Variants in TJP1 observed in about 807,000 individuals in gnomAD.
TJP1 encodes tight junction protein 1, also known as tight junction protein ZO-1.
TJP1 carries 43 observed loss-of-function variants against 194.2 expected under a neutral mutation model. The observed-to-expected ratio is 0.22, with a 90% CI of 0.17 to 0.29. The LOEUF is 0.29. Ranked by LOEUF, TJP1 falls within the 10% of genes least tolerant of loss-of-function variation. The pLI is 1.00. For missense variants in TJP1, 1,971 were observed against 2,185.7 expected, an observed-to-expected ratio of 0.90 and a Z score of 1.96; for synonymous variants, 801 against 779.0, an observed-to-expected ratio of 1.03 and a Z score of -0.47.
chr15:29,769,013 T>C (rs1383853986), intron 4 of TJP1, among the ~76,000 whole-genome samples: 1 of 152,100 alleles, frequency 6.6e-6, no homozygotes, highest in South Asian at 2.1e-4. Flanking sequence ...CTGACAGACA[T>C]GACAAAATAA....
chr15:29,720,424 T>C lies in TJP1; in HGVS notation c.2697A>G (p.Ser899=), dbSNP rs2042858745. The change falls in exon 19 of 28, where the codon TCA becomes TCG. Residue 899 remains serine (S), a synonymous_variant. Coordinates refer to ENST00000614355, the MANE Select transcript of TJP1 (RefSeq NM_001330239.4). The stretch of plus-strand genomic sequence containing the variant: ...GAATTGGTTGTGGCTGCGCTTGTGG[T>C]GAGTAAGGAGGATATGTTTGGTTTT... The part of the protein sequence containing the change: ...HHENQTYPPY[S]PQAQPQPIHR... 1 of 1,613,514 alleles carries C rather than the reference T, an allele frequency of 6.2e-7. No homozygotes were observed. Among genetic ancestry groups the C allele is most frequent in the Non-Finnish European group, 8.5e-7 (1 of 1,179,770 alleles).
At chr15:29,729,752 G>A (rs1297147797) in intron 15 of TJP1, among the ~76,000 whole-genome samples, 1 of 150,738 alleles carries the variant, frequency 6.6e-6, no homozygotes, top group African/African-American at 2.4e-5. Flanking sequence ...CCCAGGAGGT[G>A]AAACTTGGAG....
intron 4 of TJP1, among the ~76,000 whole-genome samples, chr15:29,767,407 T>G (rs1049616502): frequency 6.6e-6 from 1 of 152,206 alleles, no homozygotes; most frequent in Non-Finnish European, 1.5e-5. Context: ...CTATCTTATT[T>G]CCAATTCCTT....
chr15:29,789,484 C>A (rs935035098), intron 2 of TJP1, among the ~76,000 whole-genome samples: 4 of 152,094 alleles, frequency 2.6e-5, no homozygotes, highest in Non-Finnish European at 5.9e-5. Flanking sequence ...AAGAGTACAA[C>A]AGTGCTTGGC....
intron 2 of TJP1, among the ~76,000 whole-genome samples, chr15:29,863,372 G>C (rs1162570317): frequency 6.6e-6 from 1 of 152,116 alleles, no homozygotes; most frequent in Non-Finnish European, 1.5e-5. Flanking sequence ...CTGGAGGAAG[G>C]GTTTAGGTGA....
intron 10 of TJP1, among the ~76,000 whole-genome samples, chr15:29,740,011 G>T (rs886753683): frequency 1.3e-5 from 2 of 150,302 alleles, no homozygotes; most frequent in African/African-American, 4.9e-5. Flanking sequence ...TTTTTGAGAC[G>T]GAGTCTCGCT....
intron 2 of TJP1, among the ~76,000 whole-genome samples, chr15:29,780,476 C>G (rs1457052034): frequency 2.0e-5 from 3 of 152,100 alleles, no homozygotes; most frequent in African/African-American, 7.2e-5. Flanking sequence ...GCTGCACATA[C>G]AGGTGAAGCT....
intron 8 of TJP1, among the ~76,000 whole-genome samples, chr15:29,757,874 T>A (rs76840842): frequency 0.013 from 1,912 of 152,226 alleles, 44 homozygotes; most frequent in African/African-American, 0.045. Flanking sequence ...TACACTCGAA[T>A]TTTCTTCCAC....
chr15:29,732,952 G>T lies in TJP1; in HGVS notation c.1737-137C>A. 5 of 1,253,398 alleles carry T rather than the reference G, an allele frequency of 4.0e-6. No individual in the cohort carries two copies. In the Middle Eastern group the frequency reaches 6.3e-4, roughly 159 times the overall value. The allele number at this position is 1,253,398 out of a possible 1,614,324, so 77.6% of individuals were successfully genotyped here. On this transcript the variant is annotated intron_variant, in intron 13 of 27. Transcript: ENST00000614355. ...ATCTTAATGGTTATAATAAAGAGGA[G>T]TTTGTAAACCTAAGTCAGTTATAGA...
intron 2 of TJP1, among the ~76,000 whole-genome samples, chr15:29,871,126 C>G (rs1262931647): frequency 6.6e-6 from 1 of 152,200 alleles, no homozygotes; most frequent in African/African-American, 2.4e-5. Flanking sequence ...AAAGACGGCA[C>G]TGAACACTCA....
chr15:29,820,145 C>T (rs1473993004), intron 1 of TJP1, among the ~76,000 whole-genome samples: 3 of 147,566 alleles, frequency 2.0e-5, no homozygotes. Context: ...AGCGAGCTTC[C>T]AAATTAATGT....
chr15:29,766,539 T>C lies in TJP1; in HGVS notation c.316A>G (p.Ile106Val), dbSNP rs2046342802. The part of the protein sequence containing the change: ...RKSGKNAKIT[I>V]RRKKKVQIPV... ...ATTTGAACTTTCTTCTTCCTTCTAATTGTCTGCAAGTTAAAAAGGTTAAAA... is the reference window on the plus strand; with the variant it reads ...ATTTGAACTTTCTTCTTCCTTCTAACTGTCTGCAAGTTAAAAAGGTTAAAA... Residue 106 changes from isoleucine (I) to valine (V), a missense_variant, in exon 5 of 28, where the codon ATT becomes GTT. Ile to Val is a conservative substitution (Grantham distance 29). This residue lies in a region of TJP1 where 245 missense variants were observed against 336.6 expected (regional missense o/e 0.73). Coordinates refer to ENST00000614355, the MANE Select transcript of TJP1 (RefSeq NM_001330239.4). The C allele has an allele frequency of 6.5e-7, 1 of 1,545,424 alleles. No homozygotes were observed. The highest frequency in any genetic ancestry group is 8.7e-7 in the Non-Finnish European group (1 of 1,148,656).
chr15:29,760,326 CAGGT>C (rs2151516948), intron 8 of TJP1: 1 of 698,108 alleles, frequency 1.4e-6, no homozygotes, highest in African/African-American at 1.7e-5. Flanking sequence ...AAGATAAACT[CAGGT>C]AGGTCATATA....
chr15:29,964,320 A>G (rs755736080), intron 1 of TJP1, among the ~76,000 whole-genome samples: 6 of 152,210 alleles, frequency 3.9e-5, no homozygotes, highest in Non-Finnish European at 8.8e-5. Context: ...CTGTCTGCAT[A>G]TGTATACATC....
At chr15:29,786,398 A>G (rs1333270088) in intron 2 of TJP1, among the ~76,000 whole-genome samples, 1 of 152,158 alleles carries the variant, frequency 6.6e-6, no homozygotes, top group African/African-American at 2.4e-5. Flanking sequence ...CTATTGCCAA[A>G]TTACCTACCC....
At position 29,814,941 on chromosome 15, in the gene TJP1, T is replaced by C. The variant is rs189128269; in HGVS notation, c.27+7061A>G. Among the ~76,000 whole-genome samples, 4 of 152,306 alleles carry C rather than the reference T, an allele frequency of 2.6e-5. No individual in the cohort carries two copies. In the East Asian group the frequency reaches 7.7e-4, roughly 29 times the overall value. ...TATATGACAGGGTTTTGTTATCACATTTCAAATGGTGTTTTACAGTACAAA... is the reference window on the plus strand; with the variant it reads ...TATATGACAGGGTTTTGTTATCACACTTCAAATGGTGTTTTACAGTACAAA... On this transcript the variant is annotated intron_variant, in intron 1 of 27. Transcript: ENST00000614355.
At chr15:29,883,279 C>CT (rs1491575653) in intron 2 of TJP1, among the ~76,000 whole-genome samples, 1 of 106,396 alleles carries the variant, frequency 9.4e-6, no homozygotes, top group Non-Finnish European at 2.0e-5. Flanking sequence ...CCGTTTCCTG[C>CT]AGCCCTGGGA....
intron 10 of TJP1, among the ~76,000 whole-genome samples, chr15:29,740,830 C>T (rs1329250789): frequency 6.6e-6 from 1 of 151,808 alleles, no homozygotes; most frequent in Non-Finnish European, 1.5e-5. Context: ...GATTTTGCCC[C>T]CAAGGAAACA....
intron 2 of TJP1, among the ~76,000 whole-genome samples, chr15:29,831,610 C>T (rs1360833351): frequency 6.6e-6 from 1 of 152,128 alleles, no homozygotes; most frequent in Non-Finnish European, 1.5e-5. Context: ...AATGGGACTG[C>T]TGTGGATTTT....
Sources: gnomAD v4.1 joint callset for allele counts (sites outside exome capture counted in the v4.1 genomes callset) on GRCh38, gnomAD v4.1.1 for gene constraint, gnomAD v4.1.1 regional missense constraint, MANE v1.5 for transcripts, NCBI Gene and HGNC (gene_info 2026-07-23, HGNC 2026-07-21) for gene names.